Variants in GOLM1 observed in about 807,000 individuals in gnomAD.
GOLM1 encodes epididymis luminal protein 46.
A neutral mutation model predicts 50.5 loss-of-function variants in GOLM1; 31 were observed. That is an observed-to-expected ratio of 0.61 (90% CI 0.46 to 0.83). The LOEUF (loss-of-function observed/expected upper bound fraction) is 0.83, where lower values mean the gene tolerates loss of function less well. Ranked by LOEUF, GOLM1 falls within the 40% of genes least tolerant of loss-of-function variation. The probability of loss-of-function intolerance (pLI) is 0.00; values close to 1 mark genes in which losing one functional copy is unlikely to be tolerated. For missense variants in GOLM1, 491 were observed against 501.3 expected, an observed-to-expected ratio of 0.98 and a Z score of 0.20; for synonymous variants, 178 against 192.8, an observed-to-expected ratio of 0.92 and a Z score of 0.64.
intron 1 of GOLM1, among the ~76,000 whole-genome samples, chr9:86,089,067 A>C (rs777637976): frequency 7.2e-5 from 11 of 152,060 alleles, no homozygotes; most frequent in Non-Finnish European, 1.5e-4. Flanking sequence ...AGTTCTTTTA[A>C]GAATGTTGAA....
chr9:86,044,717 G>C lies in GOLM1; in HGVS notation c.467+1753C>G, dbSNP rs189691764. Among the ~76,000 whole-genome samples the C allele has an allele frequency of 3.7e-3, 555 of 152,046 alleles. 5 individuals are homozygous for C. Among genetic ancestry groups the C allele is most frequent in the African/African-American group, 0.013 (527 of 41,488 alleles). On this transcript the variant is annotated intron_variant, in intron 5 of 9. Transcript: ENST00000388712. ...CTGTAATCCCAGCACTTTGAGAGGCGAAGACGAGCAGATCACTTGAGGTCA... is the reference window on the plus strand; with the variant it reads ...CTGTAATCCCAGCACTTTGAGAGGCCAAGACGAGCAGATCACTTGAGGTCA...
chr9:86,052,782 G>C (rs967031439), intron 3 of GOLM1, among the ~76,000 whole-genome samples, 191 bp from the exon 4 acceptor site: 1 of 151,960 alleles, frequency 6.6e-6, no homozygotes, highest in Non-Finnish European at 1.5e-5. Context: ...CTAGAGATCC[G>C]CTCCCCACCA....
At chr9:86,080,526 A>G (rs145066870) in intron 1 of GOLM1, among the ~76,000 whole-genome samples, 1 of 152,148 alleles carries the variant, frequency 6.6e-6, no homozygotes, top group African/African-American at 2.4e-5. Context: ...GATACCACCA[A>G]GGATTCACCT....
intron 8 of GOLM1, 40 bp from the exon 9 acceptor site, chr9:86,033,435 T>A: frequency 8.3e-7 from 1 of 1,211,240 alleles, no homozygotes; most frequent in Non-Finnish European, 1.2e-6. Context: ...ACATCATTTC[T>A]GTCTTGATGT....
At chr9:86,065,322 A>G (rs1834277494) in intron 3 of GOLM1, among the ~76,000 whole-genome samples, 1 of 152,226 alleles carries the variant, frequency 6.6e-6, no homozygotes, top group Non-Finnish European at 1.5e-5. Context: ...AGAACAGAAC[A>G]AATACTGAAC....
At chr9:86,048,029 C>T (rs1833611006) in intron 4 of GOLM1, among the ~76,000 whole-genome samples, 1 of 118,038 alleles carries the variant, frequency 8.5e-6, no homozygotes, top group South Asian at 3.6e-4. Flanking sequence ...TCCCTCCCCC[C>T]TCCCCCCACC....
At chr9:86,054,420 C>T (rs528456220) in intron 3 of GOLM1, among the ~76,000 whole-genome samples, 1 of 152,210 alleles carries the variant, frequency 6.6e-6, no homozygotes, top group South Asian at 2.1e-4. Context: ...GATGGGGTTT[C>T]ACCATGTTGG....
intron 3 of GOLM1, among the ~76,000 whole-genome samples, chr9:86,072,586 A>C (rs1264720959): frequency 6.6e-6 from 1 of 152,248 alleles, no homozygotes; most frequent in East Asian, 1.9e-4. Context: ...AAAATGTTCA[A>C]GGATTCCAGT....
At chr9:86,067,303 A>AT (rs1385342394) in intron 3 of GOLM1, among the ~76,000 whole-genome samples, 2 of 152,228 alleles carry the variant, frequency 1.3e-5, no homozygotes, top group African/African-American at 4.8e-5. Flanking sequence ...CTTAGGAGAG[A>AT]ATGCACACCT....
intron 1 of GOLM1, among the ~76,000 whole-genome samples, chr9:86,093,105 A>C (rs1835235636): frequency 6.6e-6 from 1 of 152,180 alleles, no homozygotes; most frequent in Non-Finnish European, 1.5e-5. Context: ...GGCTGGGTGT[A>C]CACAGTGGCT....
rs115961840 is a variant in GOLM1 at position 86,044,383 on chromosome 9, T to G, written c.467+2087A>C. 5.1e-3 allele frequency among the ~76,000 whole-genome samples: 772 copies of G among 152,342 alleles called. 4 individuals carry two copies. The highest frequency in any genetic ancestry group is 0.018 in the African/African-American group (736 of 41,576). ...GGTTATAAAGTTAGTAGGAAGATAT[T>G]ACGGCAGGTGGACAATGTTTTGGAG... On this transcript the variant is annotated intron_variant, in intron 5 of 9. Coordinates refer to ENST00000388712, the MANE Select transcript of GOLM1 (RefSeq NM_016548.4).
intron 9 of GOLM1, among the ~76,000 whole-genome samples, chr9:86,028,746 T>G (rs1832869507): frequency 6.6e-6 from 1 of 151,910 alleles, no homozygotes; most frequent in Non-Finnish European, 1.5e-5. Context: ...CCCCACAACC[T>G]GTCCGTCCGC....
At chr9:86,050,848 T>G (rs1833724326) in intron 4 of GOLM1, among the ~76,000 whole-genome samples, 1 of 152,218 alleles carries the variant, frequency 6.6e-6, no homozygotes, top group South Asian at 2.1e-4. Flanking sequence ...AAGGGTTTCT[T>G]TTGTCTCCAT....
chr9:86,049,604 T>C (rs1198945140), intron 4 of GOLM1, among the ~76,000 whole-genome samples: 1 of 152,226 alleles, frequency 6.6e-6, no homozygotes, highest in Non-Finnish European at 1.5e-5. Context: ...GTAAGTTGGA[T>C]TCCTAGGTAT....
intron 2 of GOLM1, among the ~76,000 whole-genome samples, chr9:86,078,477 A>G (rs1478294218): frequency 6.6e-6 from 1 of 152,152 alleles, no homozygotes; most frequent in African/African-American, 2.4e-5. Flanking sequence ...AACACAGGCC[A>G]AGGACTTAGA....
In GOLM1 at chr9:86,050,061, G is replaced by A. The variant is rs544154353; in HGVS notation, c.364+2476C>T. On this transcript the variant is annotated intron_variant, in intron 4 of 9. Transcript: ENST00000388712. ...GTCCCATCAATACCTAGTTTATTGA[G>A]TTTTTAGCATGAAGGGCTGTTGAAT... Among the ~76,000 whole-genome samples, 12 of 152,272 alleles carry A rather than the reference G, an allele frequency of 7.9e-5. No individual in the cohort carries two copies. In the East Asian group the frequency reaches 2.1e-3, roughly 27 times the overall value.
intron 1 of GOLM1, chr9:86,079,688 G>A (rs75639977): frequency 0.016 from 3,035 of 189,704 alleles, 97 homozygotes; most frequent in African/African-American, 0.064. Flanking sequence ...TCACCTTCCC[G>A]GCATAGTTTG....
intron 9 of GOLM1, among the ~76,000 whole-genome samples, chr9:86,032,276 T>C (rs1833010679): frequency 6.6e-6 from 1 of 152,076 alleles, no homozygotes; most frequent in Non-Finnish European, 1.5e-5. Flanking sequence ...CAAGCGATTC[T>C]CTTGCCTCAG....
chr9:86,035,892 A>C (rs1263073184), intron 7 of GOLM1, among the ~76,000 whole-genome samples: 1 of 151,062 alleles, frequency 6.6e-6, no homozygotes, highest in South Asian at 2.1e-4. Flanking sequence ...ACAAAAAAAA[A>C]AAAACACCTG....
Sources: allele counts gnomAD v4.1 joint callset (sites outside exome capture counted in the v4.1 genomes callset), GRCh38; gene constraint gnomAD v4.1.1; transcripts MANE v1.5; gene names NCBI Gene and HGNC (gene_info 2026-07-23, HGNC 2026-07-21).